The following EDDM13 variants were observed in gnomAD, a reference collection of about 807,000 sequenced individuals.
EDDM13 encodes epididymal protein 13.
A neutral mutation model predicts 17.8 loss-of-function variants in EDDM13; 24 were observed. The ratio of observed to expected loss-of-function variants is 1.35; its 90% CI spans 0.98 to 1.90. The LOEUF (loss-of-function observed/expected upper bound fraction) is 1.90, where lower values mean the gene tolerates loss of function less well. Ranked by LOEUF, EDDM13 falls within the 40% of genes most tolerant of loss-of-function variation. The pLI is 0.00. For synonymous variants in EDDM13, 31 were observed against 37.5 expected (o/e 0.83, Z 0.63); for missense variants, 97 against 100.8 (o/e 0.96, Z 0.16).
At chr19:56,295,404 G>A (rs2039802539) in intron 9 of EDDM13, among the ~76,000 whole-genome samples, 1 of 152,048 alleles carries the variant, frequency 6.6e-6, no homozygotes, top group African/African-American at 2.4e-5. Flanking sequence ...GACCAGCCTG[G>A]CCAACGTGGT....
intron 13 of EDDM13, among the ~76,000 whole-genome samples, chr19:56,302,600 C>CCCCCCTTCCTT (rs1568726800): frequency 1.4e-5 from 1 of 70,862 alleles, no homozygotes; most frequent in Non-Finnish European, 2.9e-5. Context: ...TCCTCTCCCT[C>CCCCCCTTCCTT]TTCTTCCTCT....
At chr19:56,290,963 T>G (rs1033640156) in intron 9 of EDDM13, among the ~76,000 whole-genome samples, 117 bp downstream of exon 9, 4 of 152,078 alleles carry the variant, frequency 2.6e-5, no homozygotes, top group Admixed American at 2.0e-4. Context: ...GAACACAAGT[T>G]GAGAGGGACC....
rs561975551 is a variant in EDDM13, at chr19:56,285,521, G to A, written c.154+497G>A. Reference sequence around the variant, plus strand: ...ACTCCCATAATTTAATGAGCCTCTGGTTCATGTACATTTAGTTTTTTTTCT... The same window carrying A: ...ACTCCCATAATTTAATGAGCCTCTGATTCATGTACATTTAGTTTTTTTTCT... On this transcript the variant is annotated intron_variant, in intron 6 of 14. Transcript: ENST00000649256. 2.0e-5 allele frequency among the ~76,000 whole-genome samples: 3 copies of A among 152,174 alleles called. No individual in the cohort carries two copies. In the South Asian group the frequency reaches 6.2e-4, roughly 32 times the overall value.
chr19:56,303,290 C>T (rs895681644), intron 13 of EDDM13, among the ~76,000 whole-genome samples: 1 of 151,840 alleles, frequency 6.6e-6, no homozygotes, highest in Non-Finnish European at 1.5e-5. Context: ...CCAGCCTGGT[C>T]AACATGGTGA....
In EDDM13 at chr19:56,287,015, A is replaced by G. The variant is rs147192679; in HGVS notation, c.155-1370A>G. The stretch of plus-strand genomic sequence containing the variant: ...TTGTGAGATTATGATAAAATGCCAG[A>G]AACACTCAGATATTAGGGAGCTGGT... On this transcript the variant is annotated intron_variant, in intron 6 of 14. Transcript: ENST00000649256. Among the ~76,000 whole-genome samples the G allele has an allele frequency of 1.5e-3, 229 of 152,380 alleles. 4 individuals carry two copies. The South Asian group carries it at 0.033, about 22-fold the overall frequency.
chr19:56,273,710 A>T (rs980518699), intron 1 of EDDM13, among the ~76,000 whole-genome samples: 3 of 152,138 alleles, frequency 2.0e-5, no homozygotes, highest in Non-Finnish European at 4.4e-5. Context: ...AAGGAGGGGC[A>T]TGGTGGTGAG....
chr19:56,292,843 T>C (rs1483931556), intron 9 of EDDM13, among the ~76,000 whole-genome samples: 1 of 152,234 alleles, frequency 6.6e-6, no homozygotes, highest in Non-Finnish European at 1.5e-5. Flanking sequence ...TCTGGCTTCA[T>C]CACTCAGCAC....
chr19:56,302,516 T>TCCTC (rs71184347), intron 13 of EDDM13, among the ~76,000 whole-genome samples: 17 of 70,550 alleles, frequency 2.4e-4, no homozygotes, highest in Admixed American at 8.8e-4. Context: ...CTTCTTTCCT[T>TCCTC]CCTCCCTCCC....
intron 12 of EDDM13, among the ~76,000 whole-genome samples, chr19:56,301,528 T>G (rs2040231212): frequency 6.6e-6 from 1 of 152,178 alleles, no homozygotes; most frequent in Admixed American, 6.5e-5. Context: ...CAACCTGTTT[T>G]ATCAGCAGGG....
chr19:56,294,267 C>T (rs990665165), intron 9 of EDDM13, among the ~76,000 whole-genome samples: 2 of 152,234 alleles, frequency 1.3e-5, no homozygotes, highest in African/African-American at 4.8e-5. Context: ...CACGTGGGCT[C>T]TTTCTCCCGG....
At chr19:56,303,849 G>A (rs1344726574) in intron 13 of EDDM13, among the ~76,000 whole-genome samples, 2 of 152,100 alleles carry the variant, frequency 1.3e-5, no homozygotes, top group African/African-American at 4.8e-5. Flanking sequence ...ACAGTGGAAG[G>A]ATCTTGCCTT....
chr19:56,301,517 G>A (rs6509988), intron 12 of EDDM13, among the ~76,000 whole-genome samples: 91,873 of 151,956 alleles, frequency 0.6, 28,950 homozygotes, highest in African/African-American at 0.78. Context: ...CTTCTTTACC[G>A]CAACCTGTTT....
chr19:56,278,852 T>A (rs971122896), intron 2 of EDDM13, among the ~76,000 whole-genome samples: 1 of 152,120 alleles, frequency 6.6e-6, no homozygotes, highest in Non-Finnish European at 1.5e-5. Flanking sequence ...GAGAAGGGCA[T>A]CCCAGCTGCA....
chr19:56,305,347 C>T (rs575788514), intron 14 of EDDM13, among the ~76,000 whole-genome samples: 37 of 152,196 alleles, frequency 2.4e-4, no homozygotes, highest in Non-Finnish European at 4.6e-4. Flanking sequence ...CTACGTGGCC[C>T]TTTGCATCTG....
intron 10 of EDDM13, 141 bp downstream of exon 10, chr19:56,296,108 T>C (rs2039854622): frequency 6.6e-6 from 1 of 152,294 alleles, no homozygotes; most frequent in Non-Finnish European, 1.5e-5. Context: ...CACAGTCTAG[T>C]GGAGGTGGGG....
intron 1 of EDDM13, chr19:56,274,779 G>C (rs1350705651): frequency 6.6e-6 from 1 of 151,856 alleles, no homozygotes; most frequent in Non-Finnish European, 1.5e-5. Context: ...GTTTTGTTTT[G>C]TTTTGTTTTG....
At chr19:56,301,517 G>T (rs6509988) in intron 12 of EDDM13, among the ~76,000 whole-genome samples, 3 of 152,028 alleles carry the variant, frequency 2.0e-5, no homozygotes, top group African/African-American at 7.2e-5. Flanking sequence ...CTTCTTTACC[G>T]CAACCTGTTT....
chr19:56,281,406 GATTA>G (rs1387261590), intron 2 of EDDM13, among the ~76,000 whole-genome samples: 2 of 152,110 alleles, frequency 1.3e-5, no homozygotes, highest in African/African-American at 2.4e-5. Context: ...ATATCTGTAA[GATTA>G]ATTTCTGAAA....
chr19:56,293,885 C>A (rs556505580), intron 9 of EDDM13, among the ~76,000 whole-genome samples: 10 of 152,244 alleles, frequency 6.6e-5, no homozygotes, highest in Admixed American at 6.5e-4. Flanking sequence ...AAATGTCACT[C>A]GTCTGGAGGT....
Sources: allele counts gnomAD v4.1 joint callset (sites outside exome capture counted in the v4.1 genomes callset), GRCh38; gene constraint gnomAD v4.1.1; transcripts MANE v1.5; gene names NCBI Gene and HGNC (gene_info 2026-07-23, HGNC 2026-07-21).